The following BARX2 variants were observed in gnomAD, a reference collection of about 807,000 sequenced individuals.
BARX2 encodes homeobox protein BarH-like 2.
Under a neutral mutation model 25.5 loss-of-function variants are expected in BARX2, and 11 were observed. That is an observed-to-expected ratio of 0.43 (90% confidence interval 0.27 to 0.71). BARX2 has a LOEUF of 0.71. BARX2 is among the 30% of genes least tolerant of loss of function. The pLI, the probability that BARX2 is intolerant of heterozygous loss-of-function variation, is 0.19. For synonymous variants in BARX2, 137 were observed against 149.5 expected, an observed-to-expected ratio of 0.92 and a Z score of 0.61; for missense variants, 360 against 359.9, an observed-to-expected ratio of 1.00 and a Z score of 0.00.
Position 129,451,458 on chromosome 11 carries a change from C to CAGGGAGAGT in BARX2, c.*65_*73dup. ...TGGGGAGAAGGGAAAAGAGAGAAGGCAGGGAGAGTAGGGAGAGAAAACCTT... is the reference window on the plus strand; with the variant it reads ...TGGGGAGAAGGGAAAAGAGAGAAGGCAGGGAGAGTAGGGAGAGTAGGGAGAGAAAACCTT... On this transcript the variant is annotated 3_prime_UTR_variant, in exon 4 of 4. Transcript: ENST00000281437. 2 of 1,571,896 alleles carry CAGGGAGAGT rather than the reference C, an allele frequency of 1.3e-6. No homozygotes were observed. Among genetic ancestry groups the CAGGGAGAGT allele is most frequent in the Non-Finnish European group, 1.7e-6 (2 of 1,154,686 alleles).
chr11:129,385,294 G>C (rs1223913952), intron 1 of BARX2, among the ~76,000 whole-genome samples: 5 of 152,144 alleles, frequency 3.3e-5, no homozygotes. Context: ...TTCCACTCCT[G>C]GGTATGTGCC....
At chr11:129,429,453 A>G (rs1289665089) in intron 1 of BARX2, among the ~76,000 whole-genome samples, 2 of 152,048 alleles carry the variant, frequency 1.3e-5, no homozygotes, top group East Asian at 1.9e-4. Flanking sequence ...TGAACCTAGG[A>G]GTTCAAGGTT....
chr11:129,382,770 G>A (rs986898457), intron 1 of BARX2, among the ~76,000 whole-genome samples: 33 of 152,160 alleles, frequency 2.2e-4, no homozygotes, highest in African/African-American at 7.5e-4. Context: ...CGCACTCACA[G>A]CTGGATTAAC....
In BARX2 at chr11:129,388,051, G is replaced by A. The variant is rs533027224; in HGVS notation, c.187+11829G>A. 1.4e-4 allele frequency among the ~76,000 whole-genome samples: 22 copies of A among 151,942 alleles called. No homozygotes were observed. The East Asian group carries it at 3.9e-3, about 27-fold the overall frequency. On this transcript the variant is annotated intron_variant, in intron 1 of 3. Transcript: ENST00000281437. ...ACTGGATATGATTATATGAAAATGT[G>A]TAAATTAGAACATGTCTGTCTCATT... is the stretch of plus-strand genomic sequence containing the variant.
At chr11:129,441,837 ACT>A (rs1263814292) in intron 2 of BARX2, among the ~76,000 whole-genome samples, 24 of 152,240 alleles carry the variant, frequency 1.6e-4, no homozygotes, top group South Asian at 6.2e-4. Context: ...CCAAGCCTCA[ACT>A]CTCTTATCTG....
At position 129,396,472 on chromosome 11, in the gene BARX2, C is replaced by G. The variant is rs1861722751; in HGVS notation, c.187+20250C>G. ...TAGACTATATTTTCTGCAGTGATCT[C>G]TTCCAGCTTGGGAATTCTTAAATTA... On this transcript the variant is annotated intron_variant, in intron 1 of 3. Coordinates refer to ENST00000281437, the MANE Select transcript of BARX2 (RefSeq NM_003658.5). Among the ~76,000 whole-genome samples, 3 of 151,674 alleles carry G rather than the reference C, an allele frequency of 2.0e-5. No individual in the cohort carries two copies. In the South Asian group the frequency reaches 6.3e-4, roughly 32 times the overall value.
chr11:129,376,674 C>G lies in BARX2; in HGVS notation c.187+452C>G, dbSNP rs908327346. On this transcript the variant is annotated intron_variant, in intron 1 of 3. Coordinates refer to ENST00000281437, the MANE Select transcript of BARX2 (RefSeq NM_003658.5). This position sits in a 1 kb window ranked among gnomAD's most constrained non-coding sequence, Gnocchi z 4.2. ...GTGAATTTTGCAAGTAAATCAGTATCCTGAGGTTCTCAACAAAATCTCGAA... is the reference window on the plus strand; with the variant it reads ...GTGAATTTTGCAAGTAAATCAGTATGCTGAGGTTCTCAACAAAATCTCGAA... Among the ~76,000 whole-genome samples the G allele has an allele frequency of 6.6e-6, 1 of 152,188 alleles. No homozygotes were observed. Among genetic ancestry groups the G allele is most frequent in the African/African-American group, 2.4e-5 (1 of 41,448 alleles).
At chr11:129,437,078 G>C in intron 2 of BARX2, 27 bp downstream of exon 2, 1 of 1,514,986 alleles carries the variant, frequency 6.6e-7, no homozygotes, top group Non-Finnish European at 8.9e-7. Context: ...GGGACTCTCC[G>C]CAGTGAAGGC....
intron 3 of BARX2, among the ~76,000 whole-genome samples, chr11:129,450,440 A>G (rs1862383729): frequency 1.3e-5 from 2 of 152,234 alleles, no homozygotes; most frequent in Admixed American, 1.3e-4. Flanking sequence ...TGTTTTTTAC[A>G]AAACTATATG....
At chr11:129,387,393 G>C (rs1285009167) in intron 1 of BARX2, among the ~76,000 whole-genome samples, 1 of 152,142 alleles carries the variant, frequency 6.6e-6, no homozygotes, top group Non-Finnish European at 1.5e-5. Context: ...CCTCTGTCTG[G>C]AACTACTTAG....
intron 1 of BARX2, among the ~76,000 whole-genome samples, chr11:129,415,407 T>TG (rs1301093134): frequency 2.0e-5 from 3 of 151,728 alleles, no homozygotes; most frequent in Admixed American, 1.3e-4. Context: ...CAGGATGCCA[T>TG]GGGGGGATAC....
intron 1 of BARX2, among the ~76,000 whole-genome samples, chr11:129,426,640 G>A (rs1468790087): frequency 6.6e-6 from 1 of 152,096 alleles, no homozygotes; most frequent in African/African-American, 2.4e-5. Flanking sequence ...GCCTCCCAAA[G>A]TGCTGGGATT....
At chr11:129,445,287 A>AAATC (rs1242806088) in intron 3 of BARX2, among the ~76,000 whole-genome samples, 1 of 152,236 alleles carries the variant, frequency 6.6e-6, no homozygotes, top group African/African-American at 2.4e-5. Context: ...ATCAGCATTG[A>AAATC]AATCAATGCC....
chr11:129,452,068 C>T lies in BARX2; in HGVS notation c.*666C>T, dbSNP rs1425027116. 6.6e-6 allele frequency: 1 copy of T among 151,172 alleles called. No homozygotes were observed. Among genetic ancestry groups the T allele is most frequent in the East Asian group, 2.0e-4 (1 of 5,122 alleles). 9.4% of individuals were successfully genotyped at this position (151,172 alleles called of 1,614,324 possible). Reference sequence around the variant, plus strand: ...TTTGTTTTGTTTTTTGCTTCATTTACCCATTCATGCCTAGGGTTCCATTAT... The same window carrying T: ...TTTGTTTTGTTTTTTGCTTCATTTATCCATTCATGCCTAGGGTTCCATTAT... On this transcript the variant is annotated 3_prime_UTR_variant, in exon 4 of 4. Coordinates refer to ENST00000281437, the MANE Select transcript of BARX2 (RefSeq NM_003658.5).
chr11:129,451,132 G>A lies in BARX2; in HGVS notation c.574-4G>A, dbSNP rs377313718. ...GATTCAATAACAATTTTTTACTCAC[G>A]TAGGTTCTTAAAGGTGGACAGGAAG... On this transcript the variant is annotated splice_region_variant and splice_polypyrimidine_tract_variant and intron_variant, in intron 3 of 3. Coordinates refer to ENST00000281437, the MANE Select transcript of BARX2 (RefSeq NM_003658.5). 4.0e-5 allele frequency: 64 copies of A among 1,611,584 alleles called. No individual in the cohort carries two copies. Among genetic ancestry groups the A allele is most frequent in the Non-Finnish European group, 5.1e-5 (60 of 1,178,398 alleles).
At chr11:129,384,231 C>CTT (rs528388676) in intron 1 of BARX2, among the ~76,000 whole-genome samples, 3,901 of 146,740 alleles carry the variant, frequency 0.027, 138 homozygotes, top group East Asian at 0.15. Flanking sequence ...CATTTCTGAT[C>CTT]TTTTTTTTTT....
chr11:129,439,295 A>G (rs1048200564), intron 2 of BARX2, among the ~76,000 whole-genome samples: 5 of 151,992 alleles, frequency 3.3e-5, no homozygotes, highest in Admixed American at 2.6e-4. Flanking sequence ...TTTTATTATT[A>G]TACTTCAAGT....
Position 129,437,020 on chromosome 11 carries a change from C to T in BARX2, c.457C>T (p.Gln153Ter), listed in dbSNP as rs1732729886. 1 of 1,589,662 alleles carries T rather than the reference C, an allele frequency of 6.3e-7. No individual in the cohort carries two copies. The highest frequency in any genetic ancestry group is 8.6e-7 in the Non-Finnish European group (1 of 1,164,618). The change falls in exon 2 of 4, where the codon CAG (glutamine) becomes TAG (stop). Residue 153 changes from glutamine to a stop codon, truncating the protein, a stop_gained. Coordinates refer to ENST00000281437, the MANE Select transcript of BARX2 (RefSeq NM_003658.5). LOFTEE classifies it high-confidence loss of function. ...LQLMGLEKKFQKQKYLSTPDR... is the reference protein window; with the variant it reads ...LQLMGLEKKF ...GCTCATGGGCCTGGAGAAGAAATTC[C>T]AGAAGCAGAAGTATTTGTCAACCCC...
At chr11:129,377,355 A>G (rs1392217085) in intron 1 of BARX2, among the ~76,000 whole-genome samples, 1 of 152,214 alleles carries the variant, frequency 6.6e-6, no homozygotes, top group Non-Finnish European at 1.5e-5. Flanking sequence ...CAATCAGTAA[A>G]CATATGATAA....
Sources: gnomAD v4.1 joint callset for allele counts (sites outside exome capture counted in the v4.1 genomes callset) on GRCh38, gnomAD v4.1.1 for gene constraint, Gnocchi (gnomAD v3.1) non-coding constraint, MANE v1.5 for transcripts, NCBI Gene and HGNC (gene_info 2026-07-23, HGNC 2026-07-21) for gene names.